Variants in DPH6 observed in about 807,000 individuals in gnomAD.
DPH6 encodes diphthamine biosynthesis 6, also known as diphthine--ammonia ligase.
Under a neutral mutation model 38.2 loss-of-function variants are expected in DPH6, and 33 were observed. The ratio of observed to expected loss-of-function variants is 0.86; its 90% CI spans 0.65 to 1.15. DPH6 has a LOEUF of 1.15. DPH6 is among the 50% of genes most tolerant of loss of function. The pLI is 0.00. For synonymous variants in DPH6, 108 were observed against 103.0 expected, an observed-to-expected ratio of 1.05 and a Z score of -0.30; for missense variants, 325 against 320.0, an observed-to-expected ratio of 1.02 and a Z score of -0.12.
chr15:35,380,584 T>C (rs1461221130), intron 7 of DPH6, among the ~76,000 whole-genome samples: 1 of 152,212 alleles, frequency 6.6e-6, no homozygotes, highest in African/African-American at 2.4e-5. Flanking sequence ...TATTAACAAG[T>C]AAATATATCC....
chr15:35,221,950 TA>T (rs2051445938), intron 3 of DPH6, among the ~76,000 whole-genome samples: 1 of 152,230 alleles, frequency 6.6e-6, no homozygotes, highest in Non-Finnish European at 1.5e-5. Flanking sequence ...TCATGGCTCT[TA>T]AATTCTGCCT....
At chr15:35,488,054 A>T (rs1176854473) in intron 3 of DPH6, among the ~76,000 whole-genome samples, 1 of 152,186 alleles carries the variant, frequency 6.6e-6, no homozygotes, top group Non-Finnish European at 1.5e-5. Context: ...CATAGAAAGA[A>T]TGACCTTTGC....
At chr15:35,387,533 A>T (rs1369059360) in intron 6 of DPH6, among the ~76,000 whole-genome samples, 1 of 152,136 alleles carries the variant, frequency 6.6e-6, no homozygotes, top group African/African-American at 2.4e-5. Flanking sequence ...AGTAGTTTGT[A>T]GTTCTCCTTG....
chr15:35,453,062 T>TA (rs1289517692), intron 4 of DPH6, among the ~76,000 whole-genome samples: 4 of 152,200 alleles, frequency 2.6e-5, no homozygotes, highest in African/African-American at 9.6e-5. Flanking sequence ...GAACTAGTAA[T>TA]AATACAACAC....
At chr15:35,310,456 C>T (rs981449945) in intron 3 of DPH6, among the ~76,000 whole-genome samples, 2 of 152,028 alleles carry the variant, frequency 1.3e-5, no homozygotes, top group African/African-American at 4.8e-5. Flanking sequence ...TCTTTTTTCA[C>T]TTTTGGCAGG....
chr15:35,504,613 G>A (rs891666459), intron 3 of DPH6, among the ~76,000 whole-genome samples: 5 of 151,938 alleles, frequency 3.3e-5, no homozygotes, highest in Non-Finnish European at 5.9e-5. Context: ...CCCAGAACAG[G>A]GCACTGACTC....
intron 3 of DPH6, among the ~76,000 whole-genome samples, chr15:35,252,801 A>G (rs2051683421): frequency 6.6e-6 from 1 of 152,260 alleles, no homozygotes; most frequent in African/African-American, 2.4e-5. Flanking sequence ...CATTAAAAAT[A>G]CATACTCTAT....
chr15:35,505,764 A>G (rs1055186351), intron 3 of DPH6, among the ~76,000 whole-genome samples: 3 of 152,110 alleles, frequency 2.0e-5, no homozygotes, highest in African/African-American at 7.2e-5. Flanking sequence ...CAAAAGCAGG[A>G]GTCATCAGTC....
At chr15:35,541,528 G>A (rs1278655163) in intron 2 of DPH6, among the ~76,000 whole-genome samples, 1 of 152,056 alleles carries the variant, frequency 6.6e-6, no homozygotes, top group Non-Finnish European at 1.5e-5. Context: ...CTTCATGACA[G>A]GAACTACGAC....
rs1006116241 is a variant in DPH6, at chr15:35,253,019, C to T, written n.201-32437G>A. Among the ~76,000 whole-genome samples the T allele has an allele frequency of 2.0e-5, 3 of 152,346 alleles. No homozygotes were observed. In the East Asian group the frequency reaches 5.8e-4, roughly 29 times the overall value. On this transcript the variant is annotated intron_variant and non_coding_transcript_variant, in intron 3 of 3. Transcript: ENST00000560386. The stretch of plus-strand genomic sequence containing the variant: ...ATAAATAGACTTGGGTCTGCACCAA[C>T]TATCTCTGACGTCTCACTATTTGCC...
At chr15:35,284,801 A>ATTTTTTTTTT (rs71123127) in intron 3 of DPH6, among the ~76,000 whole-genome samples, 2 of 79,216 alleles carry the variant, frequency 2.5e-5, no homozygotes, top group African/African-American at 5.7e-5. Flanking sequence ...AAGTCTCCAA[A>ATTTTTTTTTT]TTTTTTTTTT....
At chr15:35,413,573 A>G (rs1355329094) in intron 5 of DPH6, among the ~76,000 whole-genome samples, 1 of 151,702 alleles carries the variant, frequency 6.6e-6, no homozygotes, top group East Asian at 1.9e-4. Context: ...TGTAATCTAT[A>G]TGTCTTCTAT....
chr15:35,285,344 T>G (rs981611578), intron 3 of DPH6, among the ~76,000 whole-genome samples: 34 of 152,130 alleles, frequency 2.2e-4, no homozygotes, highest in African/African-American at 8.0e-4. Context: ...AGGGACCTAG[T>G]GGGAGGTAAT....
chr15:35,335,468 C>T (rs2052363650), intron 3 of DPH6, among the ~76,000 whole-genome samples: 1 of 151,668 alleles, frequency 6.6e-6, no homozygotes, highest in Non-Finnish European at 1.5e-5. Context: ...AAATCTTTGC[C>T]CATGCCTATG....
chr15:35,182,464 C>A, the DPH6 span, among the ~76,000 whole-genome samples: 2 of 151,674 alleles, frequency 1.3e-5, no homozygotes, highest in African/African-American at 4.8e-5. Context: ...GATTATTCTG[C>A]AAATCTAAAG....
intron 3 of DPH6, among the ~76,000 whole-genome samples, chr15:35,363,263 G>T (rs867150687): frequency 6.6e-5 from 10 of 152,208 alleles, no homozygotes; most frequent in Non-Finnish European, 1.2e-4. Flanking sequence ...CTACAAATTT[G>T]TCATAAGGAA....
chr15:35,242,447 T>G (rs1482811759), intron 3 of DPH6, among the ~76,000 whole-genome samples: 2 of 143,294 alleles, frequency 1.4e-5, no homozygotes, highest in African/African-American at 5.1e-5. Flanking sequence ...TTAATACTTT[T>G]AGAGGCCTTT....
At chr15:35,426,723 C>G (rs1479937149) in intron 5 of DPH6, among the ~76,000 whole-genome samples, 1 of 151,582 alleles carries the variant, frequency 6.6e-6, no homozygotes. Flanking sequence ...AAGAAAAAAT[C>G]TGGTTAGCAG....
intron 6 of DPH6, among the ~76,000 whole-genome samples, chr15:35,391,673 T>C (rs1184791813): frequency 6.6e-6 from 1 of 152,170 alleles, no homozygotes; most frequent in Non-Finnish European, 1.5e-5. Context: ...GGTGTGCAGT[T>C]TGTTAAGCCC....
Sources: gnomAD v4.1 joint callset for allele counts (sites outside exome capture counted in the v4.1 genomes callset) on GRCh38, gnomAD v4.1.1 for gene constraint, MANE v1.5 for transcripts, NCBI Gene and HGNC (gene_info 2026-07-23, HGNC 2026-07-21) for gene names.